Variants in IGBP1C observed in about 807,000 individuals in gnomAD.
IGBP1C encodes the protein IGBP1 family member C, also known as immunoglobulin-binding protein 1 family member C.
chr17:58,677,691 G>A, the IGBP1C span: 1 of 149,796 alleles, frequency 6.7e-6, no homozygotes, highest in Non-Finnish European at 1.5e-5. Flanking sequence ...CCTTGCCCTG[G>A]GAAAACCACC....
the IGBP1C span, among the ~76,000 whole-genome samples, chr17:58,669,501 G>A: frequency 3.3e-5 from 5 of 151,442 alleles, no homozygotes; most frequent in Admixed American, 3.3e-4. Flanking sequence ...CGGAGGCCGA[G>A]GTTAAGTGGA....
At chr17:58,690,935 T>C in the IGBP1C span, among the ~76,000 whole-genome samples, 1 of 152,166 alleles carries the variant, frequency 6.6e-6, no homozygotes, top group South Asian at 2.1e-4. Context: ...GGCGTGATCA[T>C]AGCTCACTCC....
chr17:58,672,741 GTTTGT>G, the IGBP1C span, among the ~76,000 whole-genome samples: 1 of 149,652 alleles, frequency 6.7e-6, no homozygotes, highest in African/African-American at 2.5e-5. Context: ...TTTTTTCTTT[GTTTGT>G]TTTGAGATGG....
chr17:58,679,999 T>C, the IGBP1C span, among the ~76,000 whole-genome samples: 1 of 152,138 alleles, frequency 6.6e-6, no homozygotes, highest in Non-Finnish European at 1.5e-5. Flanking sequence ...AAAAATGCTC[T>C]ACAGATTAAA....
the IGBP1C span, among the ~76,000 whole-genome samples, chr17:58,685,752 G>A: frequency 6.6e-6 from 1 of 151,760 alleles, no homozygotes; most frequent in Non-Finnish European, 1.5e-5. Context: ...AGCAGTTTGG[G>A]AGGCTGAGGT....
the IGBP1C span, among the ~76,000 whole-genome samples, chr17:58,672,594 C>T: frequency 6.6e-6 from 1 of 151,952 alleles, no homozygotes; most frequent in Non-Finnish European, 1.5e-5. Context: ...CCACCAGGCC[C>T]AGCTAATGTT....
At chr17:58,675,787 G>T in the IGBP1C span, among the ~76,000 whole-genome samples, 2 of 152,098 alleles carry the variant, frequency 1.3e-5, no homozygotes, top group Non-Finnish European at 2.9e-5. Flanking sequence ...TTTCCAAAAG[G>T]ATTTCCTTTA....
At chr17:58,690,147 GT>G in the IGBP1C span, among the ~76,000 whole-genome samples, 4 of 150,228 alleles carry the variant, frequency 2.7e-5, no homozygotes, top group African/African-American at 9.8e-5. Context: ...TTGAGTGGGG[GT>G]TTTTTTGTTT....
the IGBP1C span, among the ~76,000 whole-genome samples, chr17:58,689,656 AG>A: frequency 6.6e-6 from 1 of 152,138 alleles, no homozygotes; most frequent in African/African-American, 2.4e-5. Flanking sequence ...CCTCCCTGAA[AG>A]ATTTTTTTTG....
chr17:58,661,497 T>A, the IGBP1C span: 1 of 781,074 alleles, frequency 1.3e-6, no homozygotes, highest in Admixed American at 1.7e-5. Flanking sequence ...CGGGAACCGG[T>A]GGGTTCAGTC....
chr17:58,684,098 A>G, the IGBP1C span, among the ~76,000 whole-genome samples: 1 of 151,908 alleles, frequency 6.6e-6, no homozygotes, highest in Admixed American at 6.6e-5. Flanking sequence ...AACATTTCAT[A>G]TAGAAGGGGA....
the IGBP1C span, among the ~76,000 whole-genome samples, chr17:58,670,751 C>T: frequency 1.4e-4 from 15 of 108,256 alleles, 1 homozygote; most frequent in South Asian, 4.7e-3. Context: ...CCAGCCTGGG[C>T]GACAGAGTGA....
the IGBP1C span, among the ~76,000 whole-genome samples, chr17:58,669,733 C>CA: frequency 0.035 from 1,948 of 55,348 alleles, 104 homozygotes; most frequent in African/African-American, 0.068. Flanking sequence ...GACTCCGTCT[C>CA]AAAAAAAAAA....
chr17:58,672,827 G>T, the IGBP1C span, among the ~76,000 whole-genome samples: 1 of 152,028 alleles, frequency 6.6e-6, no homozygotes, highest in South Asian at 2.1e-4. Context: ...TGCCTCCTGG[G>T]TTCAAGCGAT....
At chr17:58,669,259 G>A in the IGBP1C span, among the ~76,000 whole-genome samples, 3 of 151,984 alleles carry the variant, frequency 2.0e-5, no homozygotes, top group South Asian at 4.2e-4. Flanking sequence ...GGCTGAGGCA[G>A]AAGAATGGCT....
chr17:58,664,206 GA>G, the IGBP1C span, among the ~76,000 whole-genome samples: 1 of 152,272 alleles, frequency 6.6e-6, no homozygotes, highest in African/African-American at 2.4e-5. Flanking sequence ...TTTTATTCCA[GA>G]AGGTTTGATT....
At chr17:58,660,503 G>A in the IGBP1C span, 2 of 706,466 alleles carry the variant, frequency 2.8e-6, no homozygotes, top group African/African-American at 3.5e-5. Context: ...GGGGAGCTCA[G>A]GGAGGGGAAG....
the IGBP1C span, among the ~76,000 whole-genome samples, chr17:58,688,205 C>A: frequency 1.3e-5 from 2 of 152,096 alleles, no homozygotes; most frequent in Non-Finnish European, 2.9e-5. Context: ...ACTGCAATCT[C>A]TGCCTCCCAT....
chr17:58,668,083 C>T, the IGBP1C span, among the ~76,000 whole-genome samples: 6 of 152,150 alleles, frequency 3.9e-5, no homozygotes, highest in East Asian at 9.7e-4. Flanking sequence ...TGCACCACCC[C>T]CCAGGTGATA....
Sources: gnomAD v4.1 joint callset for allele counts (sites outside exome capture counted in the v4.1 genomes callset) on GRCh38, gnomAD v4.1.1 for gene constraint, MANE v1.5 for transcripts, NCBI Gene and HGNC (gene_info 2026-07-23, HGNC 2026-07-21) for gene names.